Variants in DHX40 observed in about 807,000 individuals in gnomAD.
DHX40 encodes DEAH-box helicase 40.
DHX40 carries 28 observed loss-of-function variants against 89.6 expected under a neutral mutation model. That is an observed-to-expected ratio of 0.31 (90% confidence interval 0.23 to 0.43). DHX40 has a LOEUF of 0.43. DHX40 is among the 20% of genes least tolerant of loss of function. DHX40 has a pLI of 1.00. For synonymous variants in DHX40, 226 were observed against 283.6 expected (o/e 0.80, Z 2.04); for missense variants, 457 against 844.0 (o/e 0.54, Z 5.68).
intron 8 of DHX40, among the ~76,000 whole-genome samples, chr17:59,579,101 C>T: frequency 9.3e-6 from 1 of 108,078 alleles, no homozygotes; most frequent in African/African-American, 3.3e-5. Flanking sequence ...GGTTAATGGA[C>T]ATTTAGGTTG....
At chr17:59,579,118 C>T (rs1387560431) in intron 8 of DHX40, among the ~76,000 whole-genome samples, 2 of 93,224 alleles carry the variant, frequency 2.1e-5, no homozygotes, top group African/African-American at 4.0e-5. Context: ...GTTGTTTTTA[C>T]CTTATGGCTG....
chr17:59,601,152 A>G (rs2030497218), intron 14 of DHX40, among the ~76,000 whole-genome samples: 1 of 151,426 alleles, frequency 6.6e-6, no homozygotes, highest in African/African-American at 2.4e-5. Context: ...TAAAAAAAAA[A>G]AAAAAAAATT....
At chr17:59,571,325 T>G (rs1247010233) in intron 3 of DHX40, among the ~76,000 whole-genome samples, 1 of 151,616 alleles carries the variant, frequency 6.6e-6, no homozygotes, top group Non-Finnish European at 1.5e-5. Flanking sequence ...GGCACGGTGG[T>G]GCATGCCTGT....
At chr17:59,604,980 G>A (rs2030755325) in intron 15 of DHX40, 135 bp from the exon 16 acceptor site, 1 of 714,070 alleles carries the variant, frequency 1.4e-6, no homozygotes, top group South Asian at 1.7e-5. Context: ...AGTGACAGTT[G>A]AATAAATGTA....
chr17:59,597,873 T>C (rs2030195845), intron 12 of DHX40, among the ~76,000 whole-genome samples: 1 of 144,076 alleles, frequency 6.9e-6, no homozygotes, highest in Non-Finnish European at 1.5e-5. Flanking sequence ...AGGCGGAGCT[T>C]GCAGTGAGCC....
In DHX40 at chr17:59,606,139, C is replaced by T. The variant is rs1378483566; in HGVS notation, c.2200+465C>T. Among the ~76,000 whole-genome samples the T allele has an allele frequency of 8.6e-5, 13 of 151,858 alleles. 1 individual carries two copies. The highest frequency in any genetic ancestry group is 5.9e-4 in the Admixed American group (9 of 15,234). ...TTGGCTCACTGCAGCCTCTGCCTCC[C>T]GGTTCAAGCTATTCTCCTGCCTCAG... is the stretch of plus-strand genomic sequence containing the variant. On this transcript the variant is annotated intron_variant, in intron 17 of 17. Transcript: ENST00000251241.
At chr17:59,601,205 C>T (rs540076312) in intron 14 of DHX40, among the ~76,000 whole-genome samples, 2 of 151,724 alleles carry the variant, frequency 1.3e-5, no homozygotes, top group African/African-American at 4.8e-5. Context: ...AGTTACTCAG[C>T]AGGGTGAGGT....
chr17:59,575,506 T>A lies in DHX40; in HGVS notation c.973+35T>A, dbSNP rs533529661. ...CATTAGAATAGAAAATTTGATTTTTTAAAAAAACTTTTTATTGAATAATCG... is the reference window on the plus strand; with the variant it reads ...CATTAGAATAGAAAATTTGATTTTTAAAAAAAACTTTTTATTGAATAATCG... On this transcript the variant is annotated intron_variant, in intron 7 of 17. Transcript: ENST00000251241. The A allele has an allele frequency of 1.0e-4, 161 of 1,604,460 alleles. No individual in the cohort carries two copies. In the African/African-American group the frequency reaches 1.4e-3, roughly 14 times the overall value.
chr17:59,590,040 A>G (rs1033525092), intron 12 of DHX40, among the ~76,000 whole-genome samples: 3 of 151,848 alleles, frequency 2.0e-5, no homozygotes, highest in Non-Finnish European at 4.4e-5. Context: ...TTAGTAAAGG[A>G]AGATAGTGCT....
chr17:59,574,144 A>C, intron 5 of DHX40, 44 bp from the exon 6 acceptor site: 1 of 530,944 alleles, frequency 1.9e-6, no homozygotes, highest in Non-Finnish European at 3.2e-6. Flanking sequence ...TAAGGGAATG[A>C]CTGTATTTCC....
intron 4 of DHX40, among the ~76,000 whole-genome samples, chr17:59,573,520 G>A (rs1195515155): frequency 1.3e-5 from 2 of 152,098 alleles, no homozygotes; most frequent in Non-Finnish European, 2.9e-5. Flanking sequence ...TTTTTGTAGA[G>A]ACAGTGTCTC....
intron 15 of DHX40, 128 bp from the exon 16 acceptor site, chr17:59,604,987 T>G (rs1347107262): frequency 2.6e-6 from 2 of 756,568 alleles, no homozygotes; most frequent in African/African-American, 3.5e-5. Context: ...GTTGAATAAA[T>G]GTAAACCTCT....
chr17:59,607,304 A>C lies in DHX40; in HGVS notation c.*132A>C, dbSNP rs2030930052. On this transcript the variant is annotated 3_prime_UTR_variant, in exon 18 of 18. Coordinates refer to ENST00000251241, the MANE Select transcript of DHX40 (RefSeq NM_024612.5). ...GTTATTGGCCTATGAACTAAAAGCA[A>C]ATCAAAGCTCATAAATCAAAGCTCA... The C allele has an allele frequency of 1.7e-5, 26 of 1,560,954 alleles. No individual in the cohort carries two copies. Among genetic ancestry groups the C allele is most frequent in the East Asian group, 2.3e-5 (1 of 43,722 alleles).
intron 3 of DHX40, among the ~76,000 whole-genome samples, chr17:59,572,524 G>A (rs192195067): frequency 1.9e-4 from 29 of 152,190 alleles, no homozygotes; most frequent in African/African-American, 5.8e-4. Context: ...GACTACAGGC[G>A]TGACCCACCA....
chr17:59,568,774 T>C (rs1231983630), intron 2 of DHX40, among the ~76,000 whole-genome samples: 2 of 151,722 alleles, frequency 1.3e-5, no homozygotes, highest in Admixed American at 6.6e-5. Context: ...AGAATGGAAA[T>C]GCGCCATCGA....
chr17:59,581,435 C>T (rs1170268792), intron 10 of DHX40, among the ~76,000 whole-genome samples: 1 of 41,802 alleles, frequency 2.4e-5, no homozygotes. Context: ...GGATGGTAAC[C>T]GTGCAGTTTT....
At chr17:59,594,159 C>G (rs1339881075) in intron 12 of DHX40, among the ~76,000 whole-genome samples, 1 of 151,510 alleles carries the variant, frequency 6.6e-6, no homozygotes, top group South Asian at 2.1e-4. Context: ...GAAGACTATG[C>G]TCTTAGCAGG....
chr17:59,592,928 C>T (rs1386178281), intron 12 of DHX40, among the ~76,000 whole-genome samples: 1 of 102,068 alleles, frequency 9.8e-6, no homozygotes, highest in African/African-American at 8.1e-5. Flanking sequence ...TTTCTTGTGT[C>T]TGGCTTCTTT....
At chr17:59,595,088 GT>G (rs112106114) in intron 12 of DHX40, among the ~76,000 whole-genome samples, 48,241 of 145,424 alleles carry the variant, frequency 0.33, 8,684 homozygotes, top group East Asian at 0.53. Flanking sequence ...TTTGTTTTTT[GT>G]TTTTTTTTTT....
Sources: gnomAD v4.1 joint callset for allele counts (sites outside exome capture counted in the v4.1 genomes callset) on GRCh38, gnomAD v4.1.1 for gene constraint, MANE v1.5 for transcripts, NCBI Gene and HGNC (gene_info 2026-07-23, HGNC 2026-07-21) for gene names.